The following HMGB1 variants were observed in gnomAD, a reference collection of about 807,000 sequenced individuals.
The protein encoded by HMGB1 is high mobility group box 1.
For synonymous variants in HMGB1, 81 were observed against 84.0 expected (o/e 0.96, Z 0.19); for missense variants, 79 against 253.5 (o/e 0.31, Z 4.67).
chr13:30,536,532 T>G (rs1191881917), intron 1 of HMGB1, among the ~76,000 whole-genome samples: 1 of 152,190 alleles, frequency 6.6e-6, no homozygotes, highest in Non-Finnish European at 1.5e-5. Context: ...GTATTTTTAG[T>G]GGAGACAGGC....
In HMGB1 at chr13:30,554,991, A is replaced by C. The variant is rs7318693; in HGVS notation, c.-15+61680T>G. ...ATACAGGGTATGAGGAGCACCCACC[A>C]GCAGAAGACTTTGCAGAACCTTACA... On this transcript the variant is annotated intron_variant, in intron 1 of 4. Coordinates refer to the HMGB1 transcript ENST00000405805. Among the ~76,000 whole-genome samples the C allele has an allele frequency of 3.4e-3, 516 of 149,782 alleles. 2 individuals are homozygous for C. The highest frequency in any genetic ancestry group is 0.012 in the African/African-American group (480 of 40,894).
chr13:30,463,224 A>G lies in HMGB1; in HGVS notation c.279T>C (p.Asn93=), dbSNP rs762127662. ...GETKKKFKDP[N]APKRPPSAFF... is the part of the protein sequence containing the mutation. The stretch of plus-strand genomic sequence containing the variant: ...ATACTCACGGAGGCCTCTTGGGTGC[A>G]TTGGGATCCTTGAACTTCTTTTTTG... Residue 93 remains asparagine, a synonymous_variant, in exon 3 of 5, where the codon AAT becomes AAC. Transcript: ENST00000341423. 1.9e-6 allele frequency: 3 copies of G among 1,603,824 alleles called. No individual in the cohort carries two copies. Among genetic ancestry groups the G allele is most frequent in the Non-Finnish European group, 2.5e-6 (3 of 1,178,182 alleles).
At chr13:30,584,134 A>C (rs1302359666) in intron 1 of HMGB1, among the ~76,000 whole-genome samples, 1 of 152,152 alleles carries the variant, frequency 6.6e-6, no homozygotes, top group Non-Finnish European at 1.5e-5. Flanking sequence ...AATAAACCCA[A>C]ATCCAACTTC....
chr13:30,557,027 T>C (rs1869721966), intron 1 of HMGB1, among the ~76,000 whole-genome samples: 1 of 152,206 alleles, frequency 6.6e-6, no homozygotes, highest in South Asian at 2.1e-4. Flanking sequence ...CAATTGGTAT[T>C]TGTCAATTTA....
intron 1 of HMGB1, among the ~76,000 whole-genome samples, chr13:30,485,975 C>G (rs2137435898): frequency 6.6e-6 from 1 of 152,256 alleles, no homozygotes; most frequent in South Asian, 2.1e-4. Context: ...TACAGCAGAG[C>G]TGAAGCTCGA....
At chr13:30,584,966 G>A (rs986258233) in intron 1 of HMGB1, among the ~76,000 whole-genome samples, 1 of 152,016 alleles carries the variant, frequency 6.6e-6, no homozygotes. Context: ...TGGCCAACAT[G>A]GCAAAACCCC....
intron 1 of HMGB1, among the ~76,000 whole-genome samples, chr13:30,546,347 C>G (rs1040320200): frequency 6.6e-6 from 1 of 152,170 alleles, no homozygotes; most frequent in South Asian, 2.1e-4. Flanking sequence ...GTCTCCTGAC[C>G]TCGTGATCTG....
At chr13:30,498,028 C>T (rs1449862182) in intron 1 of HMGB1, among the ~76,000 whole-genome samples, 2 of 152,140 alleles carry the variant, frequency 1.3e-5, no homozygotes, top group Non-Finnish European at 2.9e-5. Flanking sequence ...TTTGAGGAAT[C>T]GCCAAACTGC....
chr13:30,597,457 T>C (rs1307332122), intron 1 of HMGB1, among the ~76,000 whole-genome samples: 2 of 152,192 alleles, frequency 1.3e-5, no homozygotes, highest in Admixed American at 1.3e-4. Context: ...AAATAAATTT[T>C]TGTTGTTCAA....
At chr13:30,540,988 G>GGGGT (rs1555239238) in intron 1 of HMGB1, 8 of 150,844 alleles carry the variant, frequency 5.3e-5, no homozygotes, top group African/African-American at 1.9e-4. Flanking sequence ...TTCTCTTTTG[G>GGGGT]GTGTGTGTGT....
intron 1 of HMGB1, among the ~76,000 whole-genome samples, chr13:30,614,063 T>C (rs998065764): frequency 1.2e-4 from 18 of 152,190 alleles, no homozygotes; most frequent in Admixed American, 3.9e-4. Flanking sequence ...GCATAGTATG[T>C]ACCATTTACA....
rs1491520203 is a variant in HMGB1 at position 30,456,775 on chromosome 13, G to GGT, written c.*4581_*4582insAC. ...CTTTTGTGGGCGGGGGGGGGGGGTG[G>GGT]TGGGGTGCAATTTATCAACATCTTC... is the stretch of plus-strand genomic sequence containing the variant. On this transcript the variant is annotated 3_prime_UTR_variant, in exon 5 of 5. Transcript: ENST00000341423. The GGT allele has an allele frequency of 2.4e-5, 2 of 83,348 alleles. No individual in the cohort carries two copies. Among genetic ancestry groups the GGT allele is most frequent in the Non-Finnish European group, 5.0e-5 (2 of 40,380 alleles). The allele number at this position is 83,348 out of a possible 1,614,324, so 5.2% of individuals were successfully genotyped here.
chr13:30,466,793 T>A (rs1220567428), upstream of HMGB1, among the ~76,000 whole-genome samples: 2 of 152,240 alleles, frequency 1.3e-5, no homozygotes, highest in African/African-American at 4.8e-5. Flanking sequence ...AGGAAATGTT[T>A]GTGAGGCCCT....
At chr13:30,578,056 A>G (rs1280271075) in intron 1 of HMGB1, among the ~76,000 whole-genome samples, 24 of 151,974 alleles carry the variant, frequency 1.6e-4, no homozygotes, top group Non-Finnish European at 3.2e-4. Context: ...AAGCAGCAAG[A>G]GACTCCGTGC....
chr13:30,519,506 T>C (rs61947769), intron 1 of HMGB1, among the ~76,000 whole-genome samples: 53,840 of 148,594 alleles, frequency 0.36, 9,982 homozygotes, highest in Admixed American at 0.47. Context: ...CCATCCCGGC[T>C]AACACAGTGA....
chr13:30,485,494 G>A (rs141910186), intron 1 of HMGB1, among the ~76,000 whole-genome samples: 1 of 151,974 alleles, frequency 6.6e-6, no homozygotes, highest in East Asian at 1.9e-4. Context: ...CGGAAAACAC[G>A]GAAAACACCA....
intron 1 of HMGB1, among the ~76,000 whole-genome samples, chr13:30,536,131 T>C (rs562552491): frequency 6.6e-6 from 1 of 152,366 alleles, no homozygotes; most frequent in Admixed American, 6.5e-5. Context: ...AAAAATGTTT[T>C]ATTTTCTCAA....
intron 1 of HMGB1, among the ~76,000 whole-genome samples, chr13:30,601,730 A>T: frequency 3.5e-5 from 1 of 28,774 alleles, no homozygotes; most frequent in Non-Finnish European, 5.5e-5. Context: ...TGGGCGACAG[A>T]GCGAGACTCC....
intron 1 of HMGB1, among the ~76,000 whole-genome samples, chr13:30,614,265 A>T (rs1393477017): frequency 2.0e-5 from 3 of 152,352 alleles, no homozygotes; most frequent in Non-Finnish European, 4.4e-5. Flanking sequence ...CAAAATGACA[A>T]GTTTAGATCA....
Sources: allele counts gnomAD v4.1 joint callset (sites outside exome capture counted in the v4.1 genomes callset), GRCh38; gene constraint gnomAD v4.1.1; transcripts MANE v1.5; gene names NCBI Gene and HGNC (gene_info 2026-07-23, HGNC 2026-07-21).